CACNG5: variants seen among roughly 807,000 people sequenced by gnomAD.
The protein encoded by CACNG5 is calcium voltage-gated channel auxiliary subunit gamma 5, also known as voltage-dependent calcium channel gamma-5 subunit.
A neutral mutation model predicts 24.8 loss-of-function variants in CACNG5; 18 were observed. The ratio of observed to expected loss-of-function variants is 0.73; its 90% CI spans 0.50 to 1.08. The LOEUF is 1.08. CACNG5 is among the 50% of genes least tolerant of loss of function. CACNG5 has a pLI of 0.00. For synonymous variants in CACNG5, 157 were observed against 149.1 expected, an observed-to-expected ratio of 1.05 and a Z score of -0.39; for missense variants, 349 against 367.9, an observed-to-expected ratio of 0.95 and a Z score of 0.42.
intron 2 of CACNG5, among the ~76,000 whole-genome samples, chr17:66,878,139 G>A (rs1977110289): frequency 6.6e-6 from 1 of 152,158 alleles, no homozygotes; most frequent in African/African-American, 2.4e-5. Context: ...TACTCACTAG[G>A]GCTTCCCTGT....
At chr17:66,864,776 T>C (rs1976907958) in intron 1 of CACNG5, among the ~76,000 whole-genome samples, 1 of 152,246 alleles carries the variant, frequency 6.6e-6, no homozygotes, top group African/African-American at 2.4e-5. Flanking sequence ...CTAAAATGCA[T>C]CCTTTAGACT....
In CACNG5 at chr17:66,850,259, C is replaced by G. The variant is rs1386049031; in HGVS notation, c.-104+15009C>G. Among the ~76,000 whole-genome samples the G allele has an allele frequency of 1.2e-4, 18 of 152,198 alleles. 1 individual carries two copies. The highest frequency in any genetic ancestry group is 1.5e-5 in the Non-Finnish European group (1 of 68,030). On this transcript the variant is annotated intron_variant, in intron 1 of 5. Coordinates refer to ENST00000533854, the MANE Select transcript of CACNG5 (RefSeq NM_145811.3). ...TGGACTGGGGGAGGGGGTCTGAGAC[C>G]CCATTAATGGCCTGTTGAGCTCCCT...
At chr17:66,873,269 A>G (rs1977034969) in intron 1 of CACNG5, among the ~76,000 whole-genome samples, 1 of 152,212 alleles carries the variant, frequency 6.6e-6, no homozygotes, top group Admixed American at 6.5e-5. Context: ...CATAGATATA[A>G]TTTTGTAATG....
At position 66,837,467 on chromosome 17, in the gene CACNG5, G is replaced by A. The variant is rs537923157; in HGVS notation, c.-104+2217G>A. On this transcript the variant is annotated intron_variant, in intron 1 of 5. Transcript: ENST00000533854. ...CAGCCTTCTGGCTCACTGACACTTGGCACATGCCTGCTCTGTCATCTTCTT... is the reference window on the plus strand; with the variant it reads ...CAGCCTTCTGGCTCACTGACACTTGACACATGCCTGCTCTGTCATCTTCTT... Among the ~76,000 whole-genome samples, 35 of 152,270 alleles carry A rather than the reference G, an allele frequency of 2.3e-4. 1 individual carries two copies. The South Asian group carries it at 6.8e-3, about 30-fold the overall frequency.
At chr17:66,884,910 G>A (rs753605666) in intron 5 of CACNG5, 73 bp from the exon 6 acceptor site, 5 of 1,613,856 alleles carry the variant, frequency 3.1e-6, no homozygotes, top group Non-Finnish European at 3.4e-6. Flanking sequence ...GCTGTGTCCT[G>A]TGCAGACCCC....
At position 66,876,983 on chromosome 17, in the gene CACNG5, ATG is replaced by A. The variant is rs1977085910; in HGVS notation, c.-103-246_-103-245del. On this transcript the variant is annotated intron_variant, in intron 1 of 5. Coordinates refer to ENST00000533854, the MANE Select transcript of CACNG5 (RefSeq NM_145811.3). ...CATGTCTGGCACAATGGGTTGCTGA[ATG>A]AATGAATGAATGAATGAATGAATGA... Among the ~76,000 whole-genome samples, 3 of 47,072 alleles carry A rather than the reference ATG, an allele frequency of 6.4e-5. No homozygotes were observed. In the Admixed American group the frequency reaches 6.9e-4, roughly 11 times the overall value. 30.9% of individuals were successfully genotyped at this position (47,072 alleles called of 152,430 possible).
intron 1 of CACNG5, among the ~76,000 whole-genome samples, chr17:66,837,398 C>G (rs1384021795): frequency 6.6e-6 from 1 of 152,216 alleles, no homozygotes; most frequent in Admixed American, 6.5e-5. Context: ...ACTTCTGTCC[C>G]CAGCTTCTGC....
chr17:66,890,386 G>A lies in CACNG5; in HGVS notation c.*5146G>A, dbSNP rs1977326118. Among the ~76,000 whole-genome samples, 2 of 152,222 alleles carry A rather than the reference G, an allele frequency of 1.3e-5. No individual in the cohort carries two copies. Among genetic ancestry groups the A allele is most frequent in the Admixed American group, 6.5e-5 (1 of 15,288 alleles). On this transcript the variant is annotated 3_prime_UTR_variant, in exon 6 of 6. Coordinates refer to ENST00000533854, the MANE Select transcript of CACNG5 (RefSeq NM_145811.3). ...ATGCAGATGAGTGAATAGGAACTGGGCAGGTGCCCCTCTAGCATCCACGTC... is the reference window on the plus strand; with the variant it reads ...ATGCAGATGAGTGAATAGGAACTGGACAGGTGCCCCTCTAGCATCCACGTC...
chr17:66,869,146 C>G (rs1314404225), intron 1 of CACNG5, among the ~76,000 whole-genome samples: 1 of 152,088 alleles, frequency 6.6e-6, no homozygotes, highest in East Asian at 1.9e-4. Flanking sequence ...TACAATGGTG[C>G]AATCTTGGCT....
intron 1 of CACNG5, among the ~76,000 whole-genome samples, chr17:66,854,649 G>A (rs1445062309): frequency 5.9e-5 from 9 of 151,890 alleles, no homozygotes; most frequent in East Asian, 5.8e-4. Flanking sequence ...AGCCAAGATC[G>A]CGCCACTGCA....
At chr17:66,859,935 G>A (rs1431386458) in intron 1 of CACNG5, among the ~76,000 whole-genome samples, 1 of 151,914 alleles carries the variant, frequency 6.6e-6, no homozygotes, top group Middle Eastern at 3.4e-3. Flanking sequence ...GGAAAATGCT[G>A]GGTTCGTCCA....
Position 66,888,161 on chromosome 17 carries a change from C to T in CACNG5, c.*2921C>T, listed in dbSNP as rs1013343834. Among the ~76,000 whole-genome samples the T allele has an allele frequency of 6.6e-6, 1 of 150,750 alleles. No homozygotes were observed. Among genetic ancestry groups the T allele is most frequent in the Non-Finnish European group, 1.5e-5 (1 of 67,896 alleles). On this transcript the variant is annotated 3_prime_UTR_variant, in exon 6 of 6. Coordinates refer to ENST00000533854, the MANE Select transcript of CACNG5 (RefSeq NM_145811.3). The stretch of plus-strand genomic sequence containing the variant: ...GAACAATCTGACATTGGTTCCCCCA[C>T]ACCTGGAACTTACTACCCTACTTTT...
chr17:66,883,169 T>C (rs1024930438), intron 4 of CACNG5, among the ~76,000 whole-genome samples: 1 of 152,234 alleles, frequency 6.6e-6, no homozygotes, highest in African/African-American at 2.4e-5. Flanking sequence ...TGGTGATATT[T>C]CCACGAAGTC....
chr17:66,836,770 G>A (rs57083585), intron 1 of CACNG5, among the ~76,000 whole-genome samples: 7,488 of 152,328 alleles, frequency 0.049, 185 homozygotes, highest in Non-Finnish European at 0.06. Context: ...CCAGTTCAAC[G>A]GAAGATAGAG....
At chr17:66,865,068 C>A (rs1428127496) in intron 1 of CACNG5, among the ~76,000 whole-genome samples, 2 of 152,108 alleles carry the variant, frequency 1.3e-5, no homozygotes, top group Non-Finnish European at 1.5e-5. Context: ...GATCGTTCAA[C>A]AGTAGTTTTA....
intron 1 of CACNG5, among the ~76,000 whole-genome samples, chr17:66,853,160 A>T (rs934309116): frequency 6.6e-6 from 1 of 152,136 alleles, no homozygotes; most frequent in South Asian, 2.1e-4. Context: ...AATGCTTTCA[A>T]GATATCACCC....
At chr17:66,862,329 G>C (rs1395301524) in intron 1 of CACNG5, among the ~76,000 whole-genome samples, 1 of 152,050 alleles carries the variant, frequency 6.6e-6, no homozygotes, top group African/African-American at 2.4e-5. Context: ...GTGCTTGGGG[G>C]CTACACACGC....
chr17:66,877,103 AG>A (rs1598060550), intron 1 of CACNG5, 126 bp from the exon 2 acceptor site: 2 of 504,978 alleles, frequency 4.0e-6, no homozygotes, highest in South Asian at 2.9e-5. Flanking sequence ...CTGCGGGGTT[AG>A]GGGGAGGGTG....
Position 66,870,552 on chromosome 17 carries a change from C to T in CACNG5, c.-103-6678C>T, listed in dbSNP as rs148125572. ...ATTCAGCCACAAATGTCCATAGGGC[C>T]GAGGTGGAGAAACCCTGTTCTAAAG... is the stretch of plus-strand genomic sequence containing the variant. On this transcript the variant is annotated intron_variant, in intron 1 of 5. Coordinates refer to ENST00000533854, the MANE Select transcript of CACNG5 (RefSeq NM_145811.3). 2.7e-3 allele frequency among the ~76,000 whole-genome samples: 411 copies of T among 152,272 alleles called. 3 individuals are homozygous for T. The highest frequency in any genetic ancestry group is 9.4e-3 in the African/African-American group (390 of 41,556).
Sources: gnomAD v4.1 joint callset for allele counts (sites outside exome capture counted in the v4.1 genomes callset) on GRCh38, gnomAD v4.1.1 for gene constraint, MANE v1.5 for transcripts, NCBI Gene and HGNC (gene_info 2026-07-23, HGNC 2026-07-21) for gene names.